The following SLC9C1 variants were observed in gnomAD, a reference collection of about 807,000 sequenced individuals.
SLC9C1 encodes the protein sodium/hydrogen exchanger 10.
A neutral mutation model predicts 140.9 loss-of-function variants in SLC9C1; 97 were observed. The observed-to-expected ratio is 0.69, with a 90% confidence interval of 0.58 to 0.82. The LOEUF (loss-of-function observed/expected upper bound fraction) is 0.82. Ranked by LOEUF, SLC9C1 falls within the 40% of genes least tolerant of loss-of-function variation. The probability of loss-of-function intolerance (pLI) is 0.00; values close to 1 mark genes in which losing one functional copy is unlikely to be tolerated. For synonymous variants in SLC9C1, 440 were observed against 442.6 expected (o/e 0.99, Z 0.07); for missense variants, 1,340 against 1,389.3 (o/e 0.96, Z 0.56).
chr3:112,271,451 T>C (rs1237737989), intron 6 of SLC9C1, among the ~76,000 whole-genome samples: 2 of 144,010 alleles, frequency 1.4e-5, no homozygotes, highest in African/African-American at 5.0e-5. Flanking sequence ...TACATTATGA[T>C]TTGTCCATTA....
chr3:112,217,387 C>G, intron 15 of SLC9C1, 55 bp downstream of exon 15: 2 of 1,488,272 alleles, frequency 1.3e-6, no homozygotes, highest in Non-Finnish European at 1.8e-6. Flanking sequence ...AAAGAAAAAA[C>G]AGGGAATTTC....
intron 20 of SLC9C1, among the ~76,000 whole-genome samples, chr3:112,186,599 A>G (rs2077545548): frequency 6.6e-6 from 1 of 152,254 alleles, no homozygotes; most frequent in Admixed American, 6.5e-5. Context: ...AGAAATTTCC[A>G]AGCTGCCTTT....
intron 20 of SLC9C1, among the ~76,000 whole-genome samples, chr3:112,186,265 C>T (rs1000385535): frequency 2.1e-5 from 3 of 141,292 alleles, no homozygotes; most frequent in Non-Finnish European, 3.1e-5. Flanking sequence ...CTATTGAAAT[C>T]TCTGCCTATG....
chr3:112,215,926 G>T (rs1348818860), intron 15 of SLC9C1, among the ~76,000 whole-genome samples: 3 of 152,194 alleles, frequency 2.0e-5, no homozygotes, highest in Non-Finnish European at 4.4e-5. Context: ...GGACAAAGCT[G>T]GAGGCATCAC....
chr3:112,150,840 AT>A lies in SLC9C1; in HGVS notation c.3524+1016del, dbSNP rs1180027200. On this transcript the variant is annotated intron_variant, in intron 28 of 28. Transcript: ENST00000305815. The stretch of plus-strand genomic sequence containing the variant: ...CATATACATATATATATATATATAT[AT>A]TTTTTTTTTTTTTTGAGATGAAGTC... Among the ~76,000 whole-genome samples, 406 of 57,310 alleles carry A rather than the reference AT, an allele frequency of 7.1e-3. 2 individuals carry two copies. Among genetic ancestry groups the A allele is most frequent in the Middle Eastern group, 0.061 (8 of 132 alleles). 37.6% of individuals were successfully genotyped at this position (57,310 alleles called of 152,430 possible). A position where few individuals can be genotyped will look rare whatever the true frequency, so the allele number is the denominator to read the frequency against.
At position 112,179,549 on chromosome 3, in the gene SLC9C1, G is replaced by A; in HGVS notation, c.2901C>T (p.Thr967=). The part of the protein sequence containing the change: ...LTNEPMKYSA[T]CKTVVETCFI... The stretch of plus-strand genomic sequence containing the variant: ...TTCTGACCTCCACTACAGTTTTGCA[G>A]GTGGCAGAATATTTCATAGGTTCAT... The change falls in exon 23 of 29, where the codon ACC becomes ACT. Residue 967 remains threonine, a synonymous_variant. Coordinates refer to ENST00000305815, the MANE Select transcript of SLC9C1 (RefSeq NM_183061.3). The A allele has an allele frequency of 1.2e-6, 2 of 1,604,102 alleles. No homozygotes were observed. The highest frequency in any genetic ancestry group is 1.1e-5 in the South Asian group (1 of 87,648).
In SLC9C1 at chr3:112,194,808, T is replaced by A. The variant is rs374992589; in HGVS notation, c.2523+4513A>T. On this transcript the variant is annotated intron_variant, in intron 20 of 28. Coordinates refer to ENST00000305815, the MANE Select transcript of SLC9C1 (RefSeq NM_183061.3). Reference sequence around the variant, plus strand: ...CACCGAAACAATGATATTTTCTTTTTTTTTTTTGGTGGTAGCTATCCTAAT... The same window carrying A: ...CACCGAAACAATGATATTTTCTTTTATTTTTTTGGTGGTAGCTATCCTAAT... Among the ~76,000 whole-genome samples, 30 of 152,300 alleles carry A rather than the reference T, an allele frequency of 2.0e-4. No homozygotes were observed. The East Asian group carries it at 2.3e-3, about 12-fold the overall frequency.
At chr3:112,246,892 C>T (rs1411162165) in intron 10 of SLC9C1, among the ~76,000 whole-genome samples, 1 of 152,160 alleles carries the variant, frequency 6.6e-6, no homozygotes, top group African/African-American at 2.4e-5. Context: ...CAGAAGAATA[C>T]AGACAGAGAC....
chr3:112,199,876 T>C (rs149802074), intron 19 of SLC9C1, among the ~76,000 whole-genome samples: 1 of 152,180 alleles, frequency 6.6e-6, no homozygotes, highest in East Asian at 1.9e-4. Flanking sequence ...GATTACTTCC[T>C]TTCACTCGTC....
At chr3:112,274,836 A>G in intron 6 of SLC9C1, 61 bp downstream of exon 6, 1 of 1,359,114 alleles carries the variant, frequency 7.4e-7, no homozygotes, top group Non-Finnish European at 9.8e-7. Context: ...CAAAATACAC[A>G]TCAGCTTTCA....
At chr3:112,291,153 T>C (rs1478138909) in intron 1 of SLC9C1, among the ~76,000 whole-genome samples, 3 of 152,216 alleles carry the variant, frequency 2.0e-5, no homozygotes, top group African/African-American at 7.2e-5. Context: ...GTCTGTGTAC[T>C]TAAGTGTGTT....
rs1213688197 is a variant in SLC9C1 at position 112,294,197 on chromosome 3, C to CA, written c.-193dup. The CA allele has an allele frequency of 6.6e-6, 1 of 152,274 alleles. No individual in the cohort carries two copies. The highest frequency in any genetic ancestry group is 1.9e-4 in the East Asian group (1 of 5,200). 9.4% of individuals were successfully genotyped at this position (152,274 alleles called of 1,614,324 possible). A position where few individuals can be genotyped will look rare whatever the true frequency, so the allele number is the denominator to read the frequency against. ...CCCAGACCAACTGCAACCTCACTGA[C>CA]AGTTACTTGCTCCAAACTCGCCCCT... On this transcript the variant is annotated 5_prime_UTR_variant, in exon 1 of 29. Coordinates refer to ENST00000305815, the MANE Select transcript of SLC9C1 (RefSeq NM_183061.3).
intron 4 of SLC9C1, 114 bp from the exon 5 acceptor site, chr3:112,277,974 C>T: frequency 2.4e-6 from 2 of 823,592 alleles, no homozygotes; most frequent in Non-Finnish European, 3.6e-6. Flanking sequence ...CAGTACCCAC[C>T]AGCAGACACA....
intron 14 of SLC9C1, among the ~76,000 whole-genome samples, chr3:112,219,616 T>G (rs1254783325): frequency 1.3e-5 from 2 of 152,122 alleles, no homozygotes; most frequent in East Asian, 3.8e-4. Context: ...CCTTGCTCTG[T>G]CCCCCAGGCT....
chr3:112,275,975 T>C (rs142872733), intron 5 of SLC9C1, among the ~76,000 whole-genome samples: 1 of 152,062 alleles, frequency 6.6e-6, no homozygotes, highest in Admixed American at 6.6e-5. Flanking sequence ...TGTAGGAATA[T>C]AAGAGATACA....
rs2078408540 is a variant in SLC9C1 at position 112,217,351 on chromosome 3, A to G, written c.1790+91T>C. ...TGTACCCTAGCACTTATAGTATAAT[A>G]ACAAAAAATTCAAGATACCATTTTA... On this transcript the variant is annotated intron_variant, in intron 15 of 28. Transcript: ENST00000305815. 6 of 1,450,822 alleles carry G rather than the reference A, an allele frequency of 4.1e-6. No homozygotes were observed. In the South Asian group the frequency reaches 7.4e-5, roughly 18 times the overall value. 89.9% of individuals were successfully genotyped at this position (1,450,822 alleles called of 1,614,324 possible).
At chr3:112,232,100 G>A (rs2078845613) in intron 12 of SLC9C1, among the ~76,000 whole-genome samples, 1 of 152,112 alleles carries the variant, frequency 6.6e-6, no homozygotes, top group Admixed American at 6.6e-5. Context: ...AGAAAGCTAG[G>A]CTATAAAGCC....
intron 15 of SLC9C1, among the ~76,000 whole-genome samples, chr3:112,210,531 C>A (rs1481481932): frequency 6.6e-6 from 1 of 152,072 alleles, no homozygotes; most frequent in Non-Finnish European, 1.5e-5. Flanking sequence ...TTTCCAGGAG[C>A]AGGGCAAAAA....
chr3:112,244,078 T>G lies in SLC9C1; in HGVS notation c.1198-2A>C. 1 of 1,571,346 alleles carries G rather than the reference T, an allele frequency of 6.4e-7. No homozygotes were observed. The highest frequency in any genetic ancestry group is 8.7e-7 in the Non-Finnish European group (1 of 1,152,492). On this transcript the variant is annotated splice_acceptor_variant, in intron 10 of 28. Coordinates refer to ENST00000305815, the MANE Select transcript of SLC9C1 (RefSeq NM_183061.3). LOFTEE classifies it high-confidence loss of function. ...TACTAACACTCCATGAAATAATATC[T>G]AGAATTGAAAAAAATACAAAGTAAG...
Sources: allele counts gnomAD v4.1 joint callset (sites outside exome capture counted in the v4.1 genomes callset), GRCh38; gene constraint gnomAD v4.1.1; transcripts MANE v1.5; gene names NCBI Gene and HGNC (gene_info 2026-07-23, HGNC 2026-07-21).